Variants in PLEKHD1 observed in about 807,000 individuals in gnomAD.
The protein encoded by PLEKHD1 is pleckstrin homology and coiled-coil domain containing D1.
A neutral mutation model predicts 69.2 loss-of-function variants in PLEKHD1; 51 were observed. The observed-to-expected ratio is 0.74, with a 90% CI of 0.59 to 0.93. The LOEUF is 0.93. Among genes scored for constraint, PLEKHD1 ranks in the 40% least tolerant of loss-of-function variants. The probability of loss-of-function intolerance (pLI) is 0.00; values close to 1 mark genes in which losing one functional copy is unlikely to be tolerated. For synonymous variants in PLEKHD1, 236 were observed against 244.7 expected, an observed-to-expected ratio of 0.96 and a Z score of 0.33; for missense variants, 584 against 641.0, an observed-to-expected ratio of 0.91 and a Z score of 0.96.
chr14:69,490,582 G>GC (rs1882757156), intron 1 of PLEKHD1, among the ~76,000 whole-genome samples: 1 of 152,170 alleles, frequency 6.6e-6, no homozygotes, highest in Non-Finnish European at 1.5e-5. Context: ...GGGGGACTAA[G>GC]TTTTTTGAGC....
At chr14:69,509,349 T>A (rs1203417572) in intron 6 of PLEKHD1, among the ~76,000 whole-genome samples, 5 of 152,164 alleles carry the variant, frequency 3.3e-5, no homozygotes, top group African/African-American at 1.2e-4. Context: ...GAATAAAATT[T>A]TAATTTTAAT....
intron 6 of PLEKHD1, among the ~76,000 whole-genome samples, chr14:69,513,181 T>C (rs1197324601): frequency 6.6e-6 from 1 of 151,384 alleles, no homozygotes; most frequent in Non-Finnish European, 1.5e-5. Context: ...ATGGCACCAC[T>C]GTACTCCAGC....
chr14:69,522,102 T>C (rs1883528374), intron 6 of PLEKHD1, among the ~76,000 whole-genome samples, 181 bp from the exon 7 acceptor site: 1 of 152,194 alleles, frequency 6.6e-6, no homozygotes, highest in Non-Finnish European at 1.5e-5. Context: ...ATTTTGGGTT[T>C]GTCAGGACTA....
At chr14:69,520,157 ACT>A (rs1190846766) in intron 6 of PLEKHD1, among the ~76,000 whole-genome samples, 1 of 112,520 alleles carries the variant, frequency 8.9e-6, no homozygotes, top group Non-Finnish European at 1.7e-5. Context: ...ACAGAGCGAG[ACT>A]CTGTCTCAAA....
intron 7 of PLEKHD1, 95 bp downstream of exon 7, chr14:69,522,472 A>G (rs1883539723): frequency 7.7e-7 from 1 of 1,291,094 alleles, no homozygotes; most frequent in South Asian, 1.4e-5. Flanking sequence ...CACCTCAGAG[A>G]TGCTATCTTC....
At chr14:69,469,506 C>A in the PLEKHD1 span, among the ~76,000 whole-genome samples, 2 of 151,898 alleles carry the variant, frequency 1.3e-5, no homozygotes, top group Non-Finnish European at 2.9e-5. Flanking sequence ...AACTCTTGGG[C>A]TCCAGTGATC....
the PLEKHD1 span, among the ~76,000 whole-genome samples, chr14:69,477,043 C>G: frequency 2.6e-5 from 4 of 152,048 alleles, no homozygotes; most frequent in East Asian, 5.8e-4. Flanking sequence ...ATGTCTCCCT[C>G]TGGTGTCACC....
At chr14:69,526,657 G>A in intron 9 of PLEKHD1, 40 bp from the exon 10 acceptor site, 1 of 1,452,064 alleles carries the variant, frequency 6.9e-7, no homozygotes, top group Non-Finnish European at 9.1e-7. Context: ...ATCCCATTTG[G>A]CGAGTGAGCA....
chr14:69,528,344 CT>C lies in PLEKHD1; in HGVS notation c.1448del (p.Phe483SerfsTer113). On this transcript the variant is annotated frameshift_variant, in exon 13 of 13. Transcript: ENST00000322564. LOFTEE classifies it high-confidence loss of function. ...CCAAGCGGCTCAGCAGGGACCAGCG[CT>C]TCCGGGAATCCATCTACCACATCAT... The part of the protein sequence containing the change: ...VAKRLSRDQR[F>X]RESIYHIMAT... 6.4e-7 allele frequency: 1 copy of C among 1,551,740 alleles called. No individual in the cohort carries two copies. The highest frequency in any genetic ancestry group is 1.2e-5 in the South Asian group (1 of 84,068).
chr14:69,487,224 C>T lies in PLEKHD1; in HGVS notation c.149+2110C>T, dbSNP rs570889871. On this transcript the variant is annotated intron_variant, in intron 1 of 12. Transcript: ENST00000322564. Reference sequence around the variant, plus strand: ...ACACACACACACACACACACACACACGCTATTTAGTCTTGGGTCAGTGACA... The same window carrying T: ...ACACACACACACACACACACACACATGCTATTTAGTCTTGGGTCAGTGACA... Among the ~76,000 whole-genome samples the T allele has an allele frequency of 1.8e-4, 27 of 150,916 alleles. 2 individuals are homozygous for T. In the South Asian group the frequency reaches 5.7e-3, roughly 32 times the overall value.
At chr14:69,469,002 A>G in the PLEKHD1 span, among the ~76,000 whole-genome samples, 1 of 152,260 alleles carries the variant, frequency 6.6e-6, no homozygotes, top group Non-Finnish European at 1.5e-5. Flanking sequence ...ATTTGCATTC[A>G]AAACACATAG....
chr14:69,486,949 C>T (rs564585446), intron 1 of PLEKHD1, among the ~76,000 whole-genome samples: 66 of 152,286 alleles, frequency 4.3e-4, no homozygotes, highest in African/African-American at 1.5e-3. Flanking sequence ...ACTACCGTGG[C>T]CCCCAAAGCC....
chr14:69,470,024 G>T, the PLEKHD1 span, among the ~76,000 whole-genome samples: 1 of 151,676 alleles, frequency 6.6e-6, no homozygotes, highest in South Asian at 2.1e-4. Flanking sequence ...GCCCTGCCAA[G>T]TTGTCTCTTA....
chr14:69,489,251 G>C (rs78532462), intron 1 of PLEKHD1, among the ~76,000 whole-genome samples: 3 of 152,230 alleles, frequency 2.0e-5, no homozygotes, highest in Admixed American at 1.3e-4. Flanking sequence ...GCTTCTGAGA[G>C]CAGCTGTGGG....
the PLEKHD1 span, among the ~76,000 whole-genome samples, chr14:69,476,599 A>G: frequency 6.6e-6 from 1 of 152,146 alleles, no homozygotes; most frequent in African/African-American, 2.4e-5. Flanking sequence ...AAAAGACATC[A>G]CTAAAGAAGT....
At chr14:69,501,210 CTCCTGACA>C in intron 4 of PLEKHD1, 1 of 544,296 alleles carries the variant, frequency 1.8e-6, no homozygotes, top group Non-Finnish European at 3.3e-6. Flanking sequence ...TATTTGATGC[CTCCTGACA>C]CCCATCTCAC....
chr14:69,474,363 T>C, the PLEKHD1 span, among the ~76,000 whole-genome samples: 2 of 152,132 alleles, frequency 1.3e-5, no homozygotes, highest in African/African-American at 4.8e-5. Context: ...AAATGAGGGC[T>C]GAACTCTGAC....
chr14:69,475,315 A>G, the PLEKHD1 span, among the ~76,000 whole-genome samples: 1 of 152,200 alleles, frequency 6.6e-6, no homozygotes, highest in East Asian at 1.9e-4. Context: ...TGTATATTCT[A>G]ATTCATGCAT....
rs1429836339 is a variant in PLEKHD1 at position 69,529,589 on chromosome 14, G to A, written c.*1170G>A. ...AAAACAAGCTCAGGAGTGAAGGAAA[G>A]TCACTCTGGTTCCTGCATTATGTAC... On this transcript the variant is annotated 3_prime_UTR_variant, in exon 13 of 13. Transcript: ENST00000322564. 2 of 152,180 alleles carry A rather than the reference G, an allele frequency of 1.3e-5. No individual in the cohort carries two copies. Among genetic ancestry groups the A allele is most frequent in the Non-Finnish European group, 2.9e-5 (2 of 68,184 alleles). The allele number at this position is 152,180 out of a possible 1,614,324, so 9.4% of individuals were successfully genotyped here.
Sources: gnomAD v4.1 joint callset for allele counts (sites outside exome capture counted in the v4.1 genomes callset) on GRCh38, gnomAD v4.1.1 for gene constraint, MANE v1.5 for transcripts, NCBI Gene and HGNC (gene_info 2026-07-23, HGNC 2026-07-21) for gene names.